The following COL5A3 variants were observed in gnomAD, a reference collection of about 807,000 sequenced individuals.
COL5A3 encodes collagen type V alpha 3 chain.
In COL5A3, 172 loss-of-function variants were observed where a neutral mutation model predicts 250.0. The observed-to-expected ratio is 0.69, with a 90% CI of 0.61 to 0.78. The LOEUF (loss-of-function observed/expected upper bound fraction) is 0.78. Ranked by LOEUF, COL5A3 falls within the 30% of genes least tolerant of loss-of-function variation. The pLI is 0.00. For synonymous variants in COL5A3, 937 were observed against 900.4 expected (o/e 1.04, Z -0.73); for missense variants, 2,340 against 2,334.4 (o/e 1.00, Z -0.05).
rs371253096 is a variant in COL5A3 at position 9,993,701 on chromosome 19, C to T, written c.1642-29G>A. The stretch of plus-strand genomic sequence containing the variant: ...TCCAGAGACACCAGTGAGCCTTGAC[C>T]CCATAAGCCTGACAGCTCCCACCAA... On this transcript the variant is annotated intron_variant, in intron 17 of 66. Coordinates refer to ENST00000264828, the MANE Select transcript of COL5A3 (RefSeq NM_015719.4). The T allele has an allele frequency of 1.9e-5, 30 of 1,614,086 alleles. No individual in the cohort carries two copies. In the African/African-American group the frequency reaches 3.2e-4, roughly 17 times the overall value.
chr19:9,998,091 A>G lies in COL5A3; in HGVS notation c.1158+11T>C. 6.2e-7 allele frequency: 1 copy of G among 1,613,928 alleles called. No individual in the cohort carries two copies. Among genetic ancestry groups the G allele is most frequent in the East Asian group, 2.2e-5 (1 of 44,878 alleles). On this transcript the variant is annotated intron_variant, in intron 9 of 66. Coordinates refer to ENST00000264828, the MANE Select transcript of COL5A3 (RefSeq NM_015719.4). ...AAGCCTCTCAACCCCCTCACAATCCAGACCCCTCACCTTTTCAATCACTGC... is the reference window on the plus strand; with the variant it reads ...AAGCCTCTCAACCCCCTCACAATCCGGACCCCTCACCTTTTCAATCACTGC...
Position 9,960,868 on chromosome 19 carries a change from C to G in COL5A3, c.4874G>C (p.Gly1625Ala). Residue 1625 changes from glycine (G) to alanine (A), a missense_variant, in exon 66 of 67, where the codon GGG becomes GCG. Physicochemically the swap from Gly to Ala is moderately conservative, Grantham distance 60. This residue lies in a region of COL5A3 where 1,179 missense variants were observed against 1,162.6 expected (regional missense o/e 1.01). Coordinates refer to ENST00000264828, the MANE Select transcript of COL5A3 (RefSeq NM_015719.4). The part of the protein sequence containing the change: ...GKKFSYVDAD[G>A]SPVNVVQLNF... The stretch of plus-strand genomic sequence containing the variant: ...CAGCTGCACGACATTCACTGGGGAC[C>G]CGTCGGCGTCCACGTAGGAGAACTG... The G allele has an allele frequency of 6.2e-7, 1 of 1,607,698 alleles. No homozygotes were observed. Among genetic ancestry groups the G allele is most frequent in the African/African-American group, 1.3e-5 (1 of 75,026 alleles).
In COL5A3 at chr19:9,971,043, G is replaced by A. The variant is rs2086838887; in HGVS notation, c.3829-15C>T. 2.0e-6 allele frequency: 3 copies of A among 1,510,246 alleles called. No individual in the cohort carries two copies. In the East Asian group the frequency reaches 7.4e-5, roughly 37 times the overall value. The allele number at this position is 1,510,246 out of a possible 1,614,324, so 93.6% of individuals were successfully genotyped here. A position where few individuals can be genotyped will look rare whatever the true frequency, so the allele number is the denominator to read the frequency against. On this transcript the variant is annotated splice_polypyrimidine_tract_variant and intron_variant, in intron 52 of 66. Transcript: ENST00000264828. Reference sequence around the variant, plus strand: ...CCATCTATGCCCTGCATGGGGGGAAGACAGAGTTGGGAGGGGTGATGAGGG... The same window carrying A: ...CCATCTATGCCCTGCATGGGGGGAAAACAGAGTTGGGAGGGGTGATGAGGG...
At chr19:9,966,780 G>T in intron 62 of COL5A3, 34 bp from the exon 63 acceptor site, 2 of 1,474,036 alleles carry the variant, frequency 1.4e-6, no homozygotes, top group South Asian at 2.4e-5. Context: ...AGAAGAGAGG[G>T]GAGATGGGGG....
chr19:9,990,255 G>A (rs1314011462), intron 24 of COL5A3, among the ~76,000 whole-genome samples: 1 of 151,626 alleles, frequency 6.6e-6, no homozygotes, highest in African/African-American at 2.4e-5. Context: ...TTAGCTGGGC[G>A]TAGTGGTGGG....
intron 51 of COL5A3, among the ~76,000 whole-genome samples, chr19:9,971,803 GC>G (rs2086851667): frequency 6.6e-6 from 1 of 152,082 alleles, no homozygotes; most frequent in Admixed American, 6.6e-5. Context: ...AGAATGATCT[GC>G]CGTGAAATCA....
Position 9,960,664 on chromosome 19 carries a change from T to C in COL5A3, c.5078A>G (p.Gln1693Arg). The change falls in exon 66 of 67, where the codon CAG becomes CGG. Residue 1693 changes from glutamine (Q) to arginine (R), a missense_variant. Physicochemically the swap from Gln to Arg is conservative, Grantham distance 43. Coordinates refer to ENST00000264828, the MANE Select transcript of COL5A3 (RefSeq NM_015719.4). ...CCACCCTCTTACCCGGCAGCCATCCTGGGGGACGCTGACAGTGGCTGCTGT... is the reference window on the plus strand; with the variant it reads ...CCACCCTCTTACCCGGCAGCCATCCCGGGGGACGCTGACAGTGGCTGCTGT... Reference protein sequence around the residue: ...QTTAATVSVPQDGCRLRKGQT... With the variant: ...QTTAATVSVPRDGCRLRKGQT... The C allele has an allele frequency of 6.2e-7, 1 of 1,614,016 alleles. No homozygotes were observed. The highest frequency in any genetic ancestry group is 2.2e-5 in the East Asian group (1 of 44,886).
At chr19:9,992,364 G>A (rs1384063369) in intron 21 of COL5A3, among the ~76,000 whole-genome samples, 3 of 151,736 alleles carry the variant, frequency 2.0e-5, no homozygotes, top group Non-Finnish European at 4.4e-5. Flanking sequence ...AGCAGAGATC[G>A]TGCCATTGCA....
At chr19:9,970,907 C>T in intron 53 of COL5A3, 68 bp downstream of exon 53, 2 of 1,376,460 alleles carry the variant, frequency 1.5e-6, no homozygotes, top group South Asian at 1.5e-5. Flanking sequence ...CCCCTGCCCC[C>T]CCAATTCACT....
At chr19:9,983,740 G>T (rs750336182) in intron 31 of COL5A3, among the ~76,000 whole-genome samples, 1 of 151,004 alleles carries the variant, frequency 6.6e-6, no homozygotes, top group African/African-American at 2.4e-5. Flanking sequence ...AGAGGGGGAC[G>T]CAGTGAGGGA....
intron 64 of COL5A3, among the ~76,000 whole-genome samples, chr19:9,965,843 C>CT (rs1363579764): frequency 6.6e-6 from 1 of 151,718 alleles, no homozygotes; most frequent in Non-Finnish European, 1.5e-5. Flanking sequence ...TCTTTCCTTT[C>CT]TTTTTTCTGA....
intron 16 of COL5A3, among the ~76,000 whole-genome samples, chr19:9,994,164 G>C (rs918184097): frequency 6.7e-6 from 1 of 148,444 alleles, no homozygotes; most frequent in Non-Finnish European, 1.5e-5. Flanking sequence ...CCAAGGCTAA[G>C]ATATTATTTT....
intron 11 of COL5A3, 73 bp downstream of exon 11, chr19:9,997,298 G>A (rs1308854669): frequency 6.0e-6 from 7 of 1,169,562 alleles, no homozygotes; most frequent in Middle Eastern, 1.9e-4. Flanking sequence ...TCATATCTAT[G>A]TTCAGACTGT....
Position 10,004,094 on chromosome 19 carries a change from C to A in COL5A3, c.646G>T (p.Ala216Ser). Reference sequence around the variant, plus strand: ...CAGTCGGGGAGGTACCGCTCACAAGCCTGGAAGGCAGCCTGAGGATCTGGG... The same window carrying A: ...CAGTCGGGGAGGTACCGCTCACAAGACTGGAAGGCAGCCTGAGGATCTGGG... ...ISPDPQAAFQ[A>S]CERYLPDCDN... Residue 216 changes from alanine (A) to serine (S), a missense_variant, in exon 5 of 67, where the codon GCT (alanine) becomes TCT (serine). This residue lies in a region of COL5A3 where 1,152 missense variants were observed against 1,146.3 expected (regional missense o/e 1.00). Coordinates refer to ENST00000264828, the MANE Select transcript of COL5A3 (RefSeq NM_015719.4). 1 of 1,614,076 alleles carries A rather than the reference C, an allele frequency of 6.2e-7. No homozygotes were observed. The highest frequency in any genetic ancestry group is 8.5e-7 in the Non-Finnish European group (1 of 1,179,984).
At position 10,010,473 on chromosome 19, in the gene COL5A3, GC is replaced by G; in HGVS notation, c.-89del. ...CTCGGGCTCGGTGCAGTCACTCGCG[GC>G]GGCCGCTCCTCTCAGGGTCCGCGGG... On this transcript the variant is annotated 5_prime_UTR_variant, in exon 1 of 67. Coordinates refer to ENST00000264828, the MANE Select transcript of COL5A3 (RefSeq NM_015719.4). 1.1e-6 allele frequency: 1 copy of G among 876,822 alleles called. No homozygotes were observed. Among genetic ancestry groups the G allele is most frequent in the Non-Finnish European group, 1.6e-6 (1 of 640,766 alleles). The allele number at this position is 876,822 out of a possible 1,614,324, so 54.3% of individuals were successfully genotyped here.
At chr19:9,976,688 C>T in intron 44 of COL5A3, 77 bp from the exon 45 acceptor site, 1 of 1,059,464 alleles carries the variant, frequency 9.4e-7, no homozygotes, top group African/African-American at 1.6e-5. Flanking sequence ...TCAATCACTG[C>T]CTCCCACACC....
chr19:9,968,415 C>T lies in COL5A3; in HGVS notation c.4284G>A (p.Val1428=). 1 of 1,592,004 alleles carries T rather than the reference C, an allele frequency of 6.3e-7. No individual in the cohort carries two copies. The highest frequency in any genetic ancestry group is 8.5e-7 in the Non-Finnish European group (1 of 1,174,540). Residue 1428 remains valine, a synonymous_variant, in exon 59 of 67, where the codon GTG becomes GTA. Transcript: ENST00000264828. The surrounding 1 kb of genome is among the most constrained non-coding windows in gnomAD (Gnocchi z 4.1). The part of the protein sequence containing the change: ...GEKGDQGLPG[V]QGPPGPKGDP... ...CTCCCTTGGGACCAGGGGGTCCCTG[C>T]ACGCCTGGCAACCCCTGATCTCCTT...
chr19:9,964,207 G>A (rs939862620), intron 64 of COL5A3, among the ~76,000 whole-genome samples: 3 of 152,090 alleles, frequency 2.0e-5, no homozygotes, highest in Admixed American at 6.6e-5. Context: ...GGGCACAGTG[G>A]CTTTCTCCCA....
chr19:9,988,833 CAAAAAAAAAAA>C (rs67181648), intron 27 of COL5A3, among the ~76,000 whole-genome samples: 2 of 39,420 alleles, frequency 5.1e-5, no homozygotes, highest in East Asian at 1.1e-3. Flanking sequence ...GACTCTGTCT[CAAAAAAAAAAA>C]AAAAAAAAAA....
Sources: allele counts gnomAD v4.1 joint callset (sites outside exome capture counted in the v4.1 genomes callset), GRCh38; gene constraint gnomAD v4.1.1; regional missense constraint gnomAD v4.1.1; non-coding constraint Gnocchi (gnomAD v3.1); transcripts MANE v1.5; gene names NCBI Gene and HGNC (gene_info 2026-07-23, HGNC 2026-07-21).